Variants in PIP4P2 observed in about 807,000 individuals in gnomAD.
PIP4P2 encodes type 2 phosphatidylinositol 4,5-bisphosphate 4-phosphatase.
In PIP4P2, 19 loss-of-function variants were observed where a neutral mutation model predicts 33.3. The ratio of observed to expected loss-of-function variants is 0.57; its 90% CI spans 0.40 to 0.84. The LOEUF (loss-of-function observed/expected upper bound fraction) is 0.84, where lower values mean the gene tolerates loss of function less well. PIP4P2 is among the 40% of genes least tolerant of loss of function. The probability of loss-of-function intolerance (pLI) is 0.00; values close to 1 mark genes in which losing one functional copy is unlikely to be tolerated. For missense variants in PIP4P2, 270 were observed against 324.7 expected (o/e 0.83, Z 1.29); for synonymous variants, 110 against 111.9 (o/e 0.98, Z 0.11).
At chr8:91,024,743 C>T (rs1170532260) in intron 1 of PIP4P2, among the ~76,000 whole-genome samples, 1 of 152,076 alleles carries the variant, frequency 6.6e-6, no homozygotes, top group Non-Finnish European at 1.5e-5. Context: ...GTTATCTAAA[C>T]AATGGTCATT....
intron 2 of PIP4P2, 95 bp from the exon 3 acceptor site, chr8:91,020,358 C>T: frequency 9.3e-7 from 1 of 1,074,360 alleles, no homozygotes; most frequent in Admixed American, 2.0e-5. Context: ...TCCATTAAAA[C>T]TAATGAAATA....
chr8:91,008,209 A>T (rs966403452), intron 5 of PIP4P2, among the ~76,000 whole-genome samples: 1 of 152,172 alleles, frequency 6.6e-6, no homozygotes, highest in African/African-American at 2.4e-5. Flanking sequence ...TAATCAAAAT[A>T]TCTTCTATTA....
chr8:91,019,395 C>CAAAAAAAAA (rs71510466), intron 3 of PIP4P2, among the ~76,000 whole-genome samples: 2 of 19,704 alleles, frequency 1.0e-4, no homozygotes, highest in African/African-American at 4.7e-4. Context: ...CCTGTCTCTA[C>CAAAAAAAAA]AAAAAAAAAA....
At chr8:90,996,989 A>C (rs766918939) in intron 5 of PIP4P2, among the ~76,000 whole-genome samples, 10 of 152,118 alleles carry the variant, frequency 6.6e-5, no homozygotes, top group African/African-American at 9.7e-5. Context: ...GATAATATCC[A>C]CAGAAATCCA....
chr8:91,028,002 G>T (rs1319047514), intron 1 of PIP4P2, among the ~76,000 whole-genome samples: 1 of 152,182 alleles, frequency 6.6e-6, no homozygotes, highest in African/African-American at 2.4e-5. Context: ...CCATTGAGAT[G>T]TGCTGCCTGA....
At chr8:90,998,089 G>A (rs1427125991) in intron 5 of PIP4P2, among the ~76,000 whole-genome samples, 2 of 151,852 alleles carry the variant, frequency 1.3e-5, no homozygotes, top group African/African-American at 2.4e-5. Flanking sequence ...TCTATTTTTG[G>A]TTTTAATTTC....
chr8:91,020,715 T>C (rs1464785877), intron 2 of PIP4P2, among the ~76,000 whole-genome samples: 1 of 152,208 alleles, frequency 6.6e-6, no homozygotes, highest in Admixed American at 6.5e-5. Context: ...TTCAATATTT[T>C]AAACATTCCT....
At chr8:91,001,942 TC>T (rs1811704765) in intron 5 of PIP4P2, among the ~76,000 whole-genome samples, 1 of 152,154 alleles carries the variant, frequency 6.6e-6, no homozygotes, top group African/African-American at 2.4e-5. Context: ...AACTAGGTTT[TC>T]CTAGATCGCA....
At chr8:91,013,292 T>C (rs1320496611) in intron 4 of PIP4P2, among the ~76,000 whole-genome samples, 1 of 152,116 alleles carries the variant, frequency 6.6e-6, no homozygotes, top group Non-Finnish European at 1.5e-5. Flanking sequence ...GGATTATCCA[T>C]GGCAAATATT....
chr8:90,996,837 T>C, intron 5 of PIP4P2, 93 bp from the exon 6 acceptor site: 1 of 960,220 alleles, frequency 1.0e-6, no homozygotes, highest in Non-Finnish European at 1.5e-6. Context: ...GCTTTAGTAA[T>C]ATTATATACT....
chr8:91,039,419 T>C lies in PIP4P2; in HGVS notation c.106+1225A>G, dbSNP rs1266143373. 2.0e-5 allele frequency among the ~76,000 whole-genome samples: 3 copies of C among 152,344 alleles called. No individual in the cohort carries two copies. In the East Asian group the frequency reaches 5.8e-4, roughly 29 times the overall value. Reference sequence around the variant, plus strand: ...GCATCTTTTTCCTTTGTTTTTCTTCTTGTTAAGTATGGATTAAGATCTAGA... The same window carrying C: ...GCATCTTTTTCCTTTGTTTTTCTTCCTGTTAAGTATGGATTAAGATCTAGA... On this transcript the variant is annotated intron_variant, in intron 1 of 6. Coordinates refer to ENST00000285419, the MANE Select transcript of PIP4P2 (RefSeq NM_018710.3).
At chr8:91,006,797 C>T (rs192770474) in intron 5 of PIP4P2, among the ~76,000 whole-genome samples, 1 of 152,026 alleles carries the variant, frequency 6.6e-6, no homozygotes, top group Non-Finnish European at 1.5e-5. Context: ...GGTGAAACCC[C>T]GCCTCTACTA....
At chr8:91,035,048 G>C (rs546209151) in intron 1 of PIP4P2, among the ~76,000 whole-genome samples, 2 of 152,114 alleles carry the variant, frequency 1.3e-5, no homozygotes, top group Admixed American at 1.3e-4. Context: ...GAAAGCATAA[G>C]AGTACATATT....
rs768295942 is a variant in PIP4P2 at position 91,008,827 on chromosome 8, G to T, written c.487-32C>A. On this transcript the variant is annotated intron_variant, in intron 4 of 6. Transcript: ENST00000285419. ...AATAAACAAAGAGAGGAATTGAAAA[G>T]AAAACAACTGAAAACTATCCAATCT... 1.9e-5 allele frequency: 29 copies of T among 1,522,804 alleles called. No individual in the cohort carries two copies. The South Asian group carries it at 3.3e-4, about 17-fold the overall frequency. 94.3% of individuals were successfully genotyped at this position (1,522,804 alleles called of 1,614,324 possible).
intron 1 of PIP4P2, among the ~76,000 whole-genome samples, chr8:91,022,202 G>T (rs184902797): frequency 2.0e-5 from 3 of 152,108 alleles, no homozygotes; most frequent in Non-Finnish European, 2.9e-5. Context: ...GATAACTGAT[G>T]AATATAATGA....
intron 5 of PIP4P2, among the ~76,000 whole-genome samples, chr8:91,004,842 G>A (rs1811746452): frequency 6.6e-6 from 1 of 152,198 alleles, no homozygotes; most frequent in Admixed American, 6.5e-5. Context: ...ATGAGACCTG[G>A]AGAGTTGGGG....
intron 1 of PIP4P2, chr8:91,024,243 G>T (rs1812051387): frequency 2.5e-6 from 1 of 405,162 alleles, no homozygotes; most frequent in African/African-American, 2.1e-5. Flanking sequence ...GATTTAGACA[G>T]ATTATTTCTT....
chr8:91,028,865 C>A (rs371713908), intron 1 of PIP4P2, among the ~76,000 whole-genome samples: 24 of 152,222 alleles, frequency 1.6e-4, no homozygotes, highest in African/African-American at 5.8e-4. Context: ...AGCTCTAGTG[C>A]CAGAGAAAGT....
intron 4 of PIP4P2, among the ~76,000 whole-genome samples, chr8:91,017,835 G>A (rs537804390): frequency 5.3e-4 from 80 of 152,218 alleles, no homozygotes; most frequent in Non-Finnish European, 8.4e-4. Flanking sequence ...GTTTAAGTTA[G>A]AAGTAGTAAA....
Sources: allele counts gnomAD v4.1 joint callset (sites outside exome capture counted in the v4.1 genomes callset), GRCh38; gene constraint gnomAD v4.1.1; transcripts MANE v1.5; gene names NCBI Gene and HGNC (gene_info 2026-07-23, HGNC 2026-07-21).